The following DCC variants were observed in gnomAD, a reference collection of about 807,000 sequenced individuals.
The protein encoded by DCC is netrin receptor DCC.
A neutral mutation model predicts 172.5 loss-of-function variants in DCC; 58 were observed. That is an observed-to-expected ratio of 0.34 (90% CI 0.27 to 0.42). The LOEUF is 0.42. Among genes scored for constraint, DCC ranks in the 10% least tolerant of loss-of-function variants. The pLI is 1.00. For missense variants in DCC, 1,740 were observed against 1,791.0 expected (o/e 0.97, Z 0.51); for synonymous variants, 709 against 644.5 (o/e 1.10, Z -1.52).
intron 5 of DCC, among the ~76,000 whole-genome samples, chr18:52,992,469 C>G (rs1219520104): frequency 6.6e-6 from 1 of 152,116 alleles, no homozygotes; most frequent in Non-Finnish European, 1.5e-5. Context: ...TAAGTGACCT[C>G]TGAGTCTCCT....
intron 8 of DCC, among the ~76,000 whole-genome samples, chr18:53,162,984 A>C (rs2054865563): frequency 6.6e-6 from 1 of 152,232 alleles, no homozygotes; most frequent in African/African-American, 2.4e-5. Flanking sequence ...TGAAATGTCA[A>C]CTACTGTGTG....
chr18:52,856,056 C>T (rs375192210), intron 2 of DCC, among the ~76,000 whole-genome samples: 59 of 151,740 alleles, frequency 3.9e-4, no homozygotes, highest in East Asian at 3.0e-3. Flanking sequence ...TGAGCCACCG[C>T]GCCCCGCCAT....
At chr18:53,009,562 T>C (rs1445248680) in intron 5 of DCC, among the ~76,000 whole-genome samples, 1 of 150,800 alleles carries the variant, frequency 6.6e-6, no homozygotes, top group Non-Finnish European at 1.5e-5. Context: ...GGAAGTTAGG[T>C]GACTTTTTTT....
intron 5 of DCC, among the ~76,000 whole-genome samples, chr18:52,950,121 C>G (rs1255599292): frequency 1.3e-5 from 2 of 152,146 alleles, no homozygotes; most frequent in African/African-American, 4.8e-5. Flanking sequence ...GATTATCTTC[C>G]TGATAATCTA....
At chr18:52,341,563 G>A (rs560080636) in intron 1 of DCC, among the ~76,000 whole-genome samples, 6 of 152,308 alleles carry the variant, frequency 3.9e-5, no homozygotes, top group African/African-American at 1.4e-4. Flanking sequence ...CAAACTCCAA[G>A]TGATTGATAT....
Position 53,526,623 on chromosome 18 carries a change from C to T in DCC, c.4118C>T (p.Thr1373Ile), listed in dbSNP as rs2046458627. Reference protein sequence around the residue: ...YTPLLSQPGPTLPKTHVKTAS... With the variant: ...YTPLLSQPGPILPKTHVKTAS... ...ACTGTGTTTTCTATTTCAGGGCCCACTCTTCCTAAGACCCATGTGAAAACA... is the reference window on the plus strand; with the variant it reads ...ACTGTGTTTTCTATTTCAGGGCCCATTCTTCCTAAGACCCATGTGAAAACA... The change falls in exon 28 of 29, where the codon ACT becomes ATT. Residue 1373 changes from threonine (T) to isoleucine (I), a missense_variant. Coordinates refer to ENST00000442544, the MANE Select transcript of DCC (RefSeq NM_005215.4). The T allele has an allele frequency of 1.9e-6, 3 of 1,613,368 alleles. No individual in the cohort carries two copies. The highest frequency in any genetic ancestry group is 1.7e-5 in the Admixed American group (1 of 59,892).
intron 12 of DCC, among the ~76,000 whole-genome samples, chr18:53,239,048 G>A (rs1216086179): frequency 4.0e-4 from 56 of 140,072 alleles, no homozygotes; most frequent in Middle Eastern, 7.1e-3. Context: ...CTGTTGTGGA[G>A]TGGGGGGAGG....
At chr18:53,465,082 G>A (rs980962287) in intron 24 of DCC, among the ~76,000 whole-genome samples, 1 of 151,740 alleles carries the variant, frequency 6.6e-6, no homozygotes, top group Admixed American at 6.6e-5. Flanking sequence ...ATTAGATAGT[G>A]TTTTAATGTT....
chr18:52,590,705 T>C, intron 1 of DCC, among the ~76,000 whole-genome samples: 1 of 152,240 alleles, frequency 6.6e-6, no homozygotes. Flanking sequence ...GTCATACCAG[T>C]GGCCCGATTC....
At position 53,427,869 on chromosome 18, in the gene DCC, T is replaced by A. The variant is rs1288177277; in HGVS notation, c.3164-7275T>A. On this transcript the variant is annotated intron_variant, in intron 21 of 28. Coordinates refer to ENST00000442544, the MANE Select transcript of DCC (RefSeq NM_005215.4). The stretch of plus-strand genomic sequence containing the variant: ...TATATTTCTTTTTATATATAATATA[T>A]AAATATATACATATATAATATAATA... 3.5e-5 allele frequency among the ~76,000 whole-genome samples: 3 copies of A among 86,604 alleles called. No individual in the cohort carries two copies. The East Asian group carries it at 7.3e-4, about 21-fold the overall frequency. The allele number at this position is 86,604 out of a possible 152,430, so 56.8% of individuals were successfully genotyped here.
chr18:53,007,393 C>T (rs2041662472), intron 5 of DCC, among the ~76,000 whole-genome samples: 2 of 151,958 alleles, frequency 1.3e-5, no homozygotes, highest in South Asian at 4.2e-4. Flanking sequence ...CATGGAGAGC[C>T]CCATTACTTG....
chr18:53,423,471 T>C (rs1910746456), intron 21 of DCC, among the ~76,000 whole-genome samples: 1 of 152,140 alleles, frequency 6.6e-6, no homozygotes, highest in African/African-American at 2.4e-5. Context: ...CCTCCACATA[T>C]GCCACAATCA....
intron 1 of DCC, among the ~76,000 whole-genome samples, chr18:52,527,842 G>A (rs142052203): frequency 3.9e-5 from 6 of 152,302 alleles, no homozygotes; most frequent in Non-Finnish European, 7.3e-5. Flanking sequence ...TAGGTCAAGA[G>A]CATCTAGCCT....
At chr18:52,522,009 G>C (rs1004337749) in intron 1 of DCC, among the ~76,000 whole-genome samples, 1 of 152,122 alleles carries the variant, frequency 6.6e-6, no homozygotes, top group East Asian at 1.9e-4. Flanking sequence ...TCTGCAAGCT[G>C]ACTTTGAAAA....
chr18:52,829,236 AG>A (rs2038567512), intron 2 of DCC, among the ~76,000 whole-genome samples: 1 of 152,206 alleles, frequency 6.6e-6, no homozygotes, highest in Admixed American at 6.5e-5. Context: ...GCATTAGTGA[AG>A]GCTGATGCTC....
chr18:53,110,759 G>T (rs1379499063), intron 7 of DCC, among the ~76,000 whole-genome samples: 2 of 132,766 alleles, frequency 1.5e-5, no homozygotes, highest in Non-Finnish European at 3.2e-5. Context: ...ACAGGTGCTG[G>T]AGAGGATGTG....
chr18:53,277,138 A>G (rs1388116317), intron 12 of DCC, among the ~76,000 whole-genome samples: 1 of 152,150 alleles, frequency 6.6e-6, no homozygotes, highest in East Asian at 1.9e-4. Flanking sequence ...ATACATTTTA[A>G]TTTCTCTAAG....
chr18:52,939,108 T>G (rs1017072037), intron 5 of DCC, among the ~76,000 whole-genome samples: 9 of 152,194 alleles, frequency 5.9e-5, no homozygotes, highest in Non-Finnish European at 1.0e-4. Context: ...TGTCTTCACC[T>G]TTCTAACTTC....
At chr18:53,039,577 G>A (rs1049138964) in intron 5 of DCC, among the ~76,000 whole-genome samples, 2 of 151,962 alleles carry the variant, frequency 1.3e-5, no homozygotes, top group African/African-American at 4.8e-5. Flanking sequence ...CCAAGCCCAT[G>A]CTGTGGCAGA....
Sources: gnomAD v4.1 joint callset for allele counts (sites outside exome capture counted in the v4.1 genomes callset) on GRCh38, gnomAD v4.1.1 for gene constraint, MANE v1.5 for transcripts, NCBI Gene and HGNC (gene_info 2026-07-23, HGNC 2026-07-21) for gene names.